Variants in DLGAP4 observed in about 807,000 individuals in gnomAD.
DLGAP4 encodes disks large-associated protein 4.
DLGAP4 carries 18 observed loss-of-function variants against 86.9 expected under a neutral mutation model. That is an observed-to-expected ratio of 0.21 (90% CI 0.14 to 0.31). The LOEUF (loss-of-function observed/expected upper bound fraction) is 0.31, where lower values mean the gene tolerates loss of function less well. Among genes scored for constraint, DLGAP4 ranks in the 10% least tolerant of loss-of-function variants. The pLI is 1.00. For synonymous variants in DLGAP4, 548 were observed against 574.3 expected, an observed-to-expected ratio of 0.95 and a Z score of 0.65; for missense variants, 1,085 against 1,362.6, an observed-to-expected ratio of 0.80 and a Z score of 3.21.
At chr20:36,490,819 C>T (rs919716364) in intron 7 of DLGAP4, among the ~76,000 whole-genome samples, 1 of 152,156 alleles carries the variant, frequency 6.6e-6, no homozygotes, top group East Asian at 1.9e-4. Context: ...GCTGTGTCCT[C>T]CGCATCCCTC....
Position 36,524,269 on chromosome 20 carries a change from T to G in DLGAP4, c.2532T>G (p.Ser844Arg), listed in dbSNP as rs754791401. The change falls in exon 11 of 13, where the codon AGT (serine) becomes AGG (arginine). Residue 844 changes from serine (S) to arginine (R), a missense_variant. Ser to Arg is a moderately radical substitution (Grantham distance 110). Around this residue, in one of 2 missense-constraint regions of DLGAP4, gnomAD observed 1,082 missense variants for 1,344.1 expected, o/e 0.81. Transcript: ENST00000339266. Reference protein sequence around the residue: ...LSEEVLGKVLSAVGSAQLLMS... With the variant: ...LSEEVLGKVLRAVGSAQLLMS... ...TCTCAGTCTTAGGAAAAGTCCTCAG[T>G]GCTGTGGGCAGTGCCCAGCTACTGA... is the stretch of plus-strand genomic sequence containing the variant. 1.9e-6 allele frequency: 3 copies of G among 1,614,242 alleles called. No individual in the cohort carries two copies. Among genetic ancestry groups the G allele is most frequent in the Non-Finnish European group, 2.5e-6 (3 of 1,180,032 alleles).
chr20:36,437,589 G>A (rs755696070), intron 4 of DLGAP4, among the ~76,000 whole-genome samples: 3 of 152,204 alleles, frequency 2.0e-5, no homozygotes, highest in African/African-American at 7.2e-5. Context: ...CCCAGTGCCT[G>A]CCTGGAATTC....
chr20:36,432,417 G>A lies in DLGAP4; in HGVS notation c.700G>A (p.Ala234Thr), dbSNP rs1218358142. The A allele has an allele frequency of 6.2e-7, 1 of 1,613,622 alleles. No homozygotes were observed. The highest frequency in any genetic ancestry group is 8.5e-7 in the Non-Finnish European group (1 of 1,180,044). Residue 234 changes from alanine (A) to threonine (T), a missense_variant, in exon 3 of 13, where the codon GCA becomes ACA. By Grantham distance (58) the Ala-to-Thr change is moderately conservative. This residue lies in a region of DLGAP4 where 1,082 missense variants were observed against 1,344.1 expected (regional missense o/e 0.81). Transcript: ENST00000339266. The surrounding 1 kb of genome is among the most constrained non-coding windows in gnomAD (Gnocchi z 6.5). ...TGGGCTGATGACACTAGGCCGCCAG[G>A]CAGAACGCAGCCAGCCACGCTACTT... is the stretch of plus-strand genomic sequence containing the variant. The part of the protein sequence containing the change: ...ASGLMTLGRQ[A>T]ERSQPRYFMH...
At chr20:36,511,596 C>T (rs897354350) in intron 10 of DLGAP4, among the ~76,000 whole-genome samples, 2 of 151,194 alleles carry the variant, frequency 1.3e-5, no homozygotes, top group African/African-American at 2.4e-5. Context: ...TATTTGCGGC[C>T]GGGTGCAGTG....
chr20:36,461,894 T>G, intron 7 of DLGAP4: 1 of 984,708 alleles, frequency 1.0e-6, no homozygotes, highest in South Asian at 4.7e-5. Flanking sequence ...CCTCCCTCGC[T>G]CCCCATCTCG....
At chr20:36,438,908 C>T (rs879772924) in intron 4 of DLGAP4, among the ~76,000 whole-genome samples, 1 of 151,978 alleles carries the variant, frequency 6.6e-6, no homozygotes, top group Non-Finnish European at 1.5e-5. Flanking sequence ...CGTGAGCCAC[C>T]GCACCTGGCC....
intron 2 of DLGAP4, among the ~76,000 whole-genome samples, chr20:36,402,421 T>C (rs187957890): frequency 1.2e-4 from 18 of 152,298 alleles, no homozygotes; most frequent in Admixed American, 1.0e-3. Context: ...ATGTGCCTCA[T>C]GAATGAAATA....
intron 2 of DLGAP4, among the ~76,000 whole-genome samples, chr20:36,427,002 A>G (rs1355663599): frequency 1.4e-5 from 2 of 144,454 alleles, no homozygotes; most frequent in African/African-American, 2.6e-5. Flanking sequence ...ACATAATGAG[A>G]CTCCTGTCTG....
intron 10 of DLGAP4, among the ~76,000 whole-genome samples, chr20:36,512,896 T>G (rs1269035894): frequency 8.2e-6 from 1 of 122,108 alleles, no homozygotes; most frequent in Non-Finnish European, 1.6e-5. Context: ...GAAGTCAGAC[T>G]GGGGGCATCT....
chr20:36,483,985 C>T (rs777170073), intron 7 of DLGAP4, among the ~76,000 whole-genome samples: 4 of 152,232 alleles, frequency 2.6e-5, no homozygotes, highest in Non-Finnish European at 4.4e-5. Context: ...CTCAGCCAGG[C>T]TCTGGCAGGT....
At chr20:36,523,729 T>C (rs1408331156) in intron 10 of DLGAP4, among the ~76,000 whole-genome samples, 2 of 152,208 alleles carry the variant, frequency 1.3e-5, no homozygotes, top group Non-Finnish European at 1.5e-5. Context: ...AGTGGCGCCA[T>C]CTTGGCTCAC....
chr20:36,442,275 A>T (rs986005241), intron 5 of DLGAP4, among the ~76,000 whole-genome samples: 2 of 151,894 alleles, frequency 1.3e-5, no homozygotes, highest in South Asian at 4.2e-4. Context: ...GCTCACTGCA[A>T]CCTCCGCCTC....
chr20:36,384,486 T>C (rs1429592451), intron 2 of DLGAP4, among the ~76,000 whole-genome samples: 1 of 152,034 alleles, frequency 6.6e-6, no homozygotes, highest in African/African-American at 2.4e-5. Flanking sequence ...ACAGGGGAGG[T>C]ACTAATATTT....
At chr20:36,466,844 G>A (rs1317365880) in intron 7 of DLGAP4, among the ~76,000 whole-genome samples, 1 of 152,168 alleles carries the variant, frequency 6.6e-6, no homozygotes, top group African/African-American at 2.4e-5. Flanking sequence ...CCTGAGGTCT[G>A]GTTTGGCCAG....
At position 36,467,054 on chromosome 20, in the gene DLGAP4, CT is replaced by C. The variant is rs2034432499; in HGVS notation, c.1648+20118del. Among the ~76,000 whole-genome samples, 93 of 133,360 alleles carry C rather than the reference CT, an allele frequency of 7.0e-4. 2 individuals are homozygous for C. The highest frequency in any genetic ancestry group is 2.0e-3 in the East Asian group (10 of 4,928). 87.5% of individuals were successfully genotyped at this position (133,360 alleles called of 152,430 possible). On this transcript the variant is annotated intron_variant, in intron 7 of 12. Coordinates refer to ENST00000339266, the MANE Select transcript of DLGAP4 (RefSeq NM_001365621.2). ...TCTCTCTCTCTCTCTCTCTCTCTCTCTCTCTCTCTCCCCCCCCCTTCTCTCG... is the reference window on the plus strand; with the variant it reads ...TCTCTCTCTCTCTCTCTCTCTCTCTCCTCTCTCTCCCCCCCCCTTCTCTCG...
intron 7 of DLGAP4, chr20:36,462,135 C>T (rs1057404950): frequency 6.9e-6 from 7 of 1,014,676 alleles, no homozygotes; most frequent in Admixed American, 6.0e-5. Flanking sequence ...TGGGCTTTCC[C>T]TCTTCTGGGT....
intron 2 of DLGAP4, among the ~76,000 whole-genome samples, chr20:36,415,093 C>T (rs946919803): frequency 7.9e-5 from 12 of 152,044 alleles, no homozygotes; most frequent in Admixed American, 2.0e-4. Context: ...TGGTGAAACC[C>T]CGTCTCTACT....
rs987876864 is a variant in DLGAP4, at chr20:36,496,958, G to A, written c.1902G>A (p.Glu634=). The change falls in exon 8 of 13, where the codon GAG becomes GAA. Residue 634 remains glutamate, a synonymous_variant. Coordinates refer to ENST00000339266, the MANE Select transcript of DLGAP4 (RefSeq NM_001365621.2). The part of the protein sequence containing the change: ...GGVAPAPEAP[E]PPPKHAALKS... ...TCGCCCCAGCCCCTGAGGCCCCAGA[G>A]CCACCCCCAAAACATGCAGCTCTGA... is the stretch of plus-strand genomic sequence containing the variant. 6.2e-6 allele frequency: 10 copies of A among 1,614,008 alleles called. No individual in the cohort carries two copies. In the African/African-American group the frequency reaches 1.3e-4, roughly 22 times the overall value.
At chr20:36,477,517 C>T (rs1658825754) in intron 7 of DLGAP4, among the ~76,000 whole-genome samples, 1 of 152,160 alleles carries the variant, frequency 6.6e-6, no homozygotes. Context: ...GTTCCAAAGC[C>T]CCTGGTGGCT....
Sources: allele counts gnomAD v4.1 joint callset (sites outside exome capture counted in the v4.1 genomes callset), GRCh38; gene constraint gnomAD v4.1.1; regional missense constraint gnomAD v4.1.1; non-coding constraint Gnocchi (gnomAD v3.1); transcripts MANE v1.5; gene names NCBI Gene and HGNC (gene_info 2026-07-23, HGNC 2026-07-21).